Variants in NFIB observed in about 807,000 individuals in gnomAD.
The protein encoded by NFIB is nuclear factor 1 B-type.
In NFIB, 11 loss-of-function variants were observed where a neutral mutation model predicts 61.5. The observed-to-expected ratio is 0.18, with a 90% confidence interval of 0.11 to 0.30. NFIB has a LOEUF of 0.30. NFIB is among the 10% of genes least tolerant of loss of function. The probability of loss-of-function intolerance (pLI) is 1.00; values close to 1 mark genes in which losing one functional copy is unlikely to be tolerated. For missense variants in NFIB, 471 were observed against 608.9 expected (o/e 0.77, Z 2.38); for synonymous variants, 260 against 216.5 (o/e 1.20, Z -1.76).
intron 1 of NFIB, among the ~76,000 whole-genome samples, chr9:14,311,564 G>A (rs776196611): frequency 6.6e-6 from 1 of 152,096 alleles, no homozygotes; most frequent in South Asian, 2.1e-4. Context: ...TGTTAAGTGT[G>A]TATCTCTGAA....
chr9:14,088,528 T>A (rs755086177), intron 10 of NFIB, among the ~76,000 whole-genome samples: 2 of 152,108 alleles, frequency 1.3e-5, no homozygotes, highest in African/African-American at 2.4e-5. Flanking sequence ...ATTTTTTAAA[T>A]GAAAATTAAG....
At chr9:14,104,858 T>G (rs1468723910) in intron 10 of NFIB, among the ~76,000 whole-genome samples, 1 of 152,004 alleles carries the variant, frequency 6.6e-6, no homozygotes, top group Non-Finnish European at 1.5e-5. Context: ...TATTTAGGCA[T>G]AGTACATATT....
chr9:14,522,851 G>A, the NFIB span, among the ~76,000 whole-genome samples: 3 of 152,096 alleles, frequency 2.0e-5, no homozygotes, highest in Non-Finnish European at 4.4e-5. Flanking sequence ...TTATCTTGTA[G>A]ACACAGCTCT....
intron 10 of NFIB, among the ~76,000 whole-genome samples, chr9:14,094,758 CAT>C (rs1375140656): frequency 6.6e-6 from 1 of 152,048 alleles, no homozygotes; most frequent in East Asian, 1.9e-4. Context: ...GAAAGAGAAA[CAT>C]ATTTGTTTCT....
At chr9:14,346,169 A>G (rs887585234) in intron 1 of NFIB, among the ~76,000 whole-genome samples, 2 of 152,016 alleles carry the variant, frequency 1.3e-5, no homozygotes, top group African/African-American at 4.8e-5. Flanking sequence ...CAGCACTGGA[A>G]AGAGACTTGC....
At chr9:14,235,486 A>G (rs2053649568) in intron 2 of NFIB, among the ~76,000 whole-genome samples, 1 of 152,074 alleles carries the variant, frequency 6.6e-6, no homozygotes, top group Non-Finnish European at 1.5e-5. Context: ...ATACTATCTC[A>G]CCCTAAAAGA....
intron 2 of NFIB, among the ~76,000 whole-genome samples, chr9:14,293,910 T>C (rs574251636): frequency 2.6e-5 from 4 of 152,252 alleles, no homozygotes; most frequent in Admixed American, 6.5e-5. Flanking sequence ...TCTGTCTACC[T>C]ATGTTGATTC....
intron 1 of NFIB, among the ~76,000 whole-genome samples, chr9:14,348,716 C>T (rs938414006): frequency 1.3e-5 from 2 of 152,230 alleles, no homozygotes; most frequent in African/African-American, 4.8e-5. Flanking sequence ...GAGCCGGGAG[C>T]AGCGGACAGT....
chr9:14,218,146 T>C lies in NFIB; in HGVS notation c.563-38366A>G, dbSNP rs1165179417. On this transcript the variant is annotated intron_variant, in intron 2 of 10. Transcript: ENST00000380953. ...TAATGAGCTGAGAGCTCCAAGGTGG[T>C]ATTTGGAAGGCATACTTTTTCCCAG... Among the ~76,000 whole-genome samples the C allele has an allele frequency of 6.6e-5, 10 of 152,218 alleles. 1 individual carries two copies. The highest frequency in any genetic ancestry group is 5.9e-4 in the Admixed American group (9 of 15,278).
At chr9:14,107,297 T>A (rs1201604893) in intron 10 of NFIB, among the ~76,000 whole-genome samples, 1 of 151,104 alleles carries the variant, frequency 6.6e-6, no homozygotes, top group Non-Finnish European at 1.5e-5. Context: ...GTTGTATGTT[T>A]CACATACAAC....
intron 6 of NFIB, among the ~76,000 whole-genome samples, chr9:14,129,203 C>A (rs2040081912): frequency 6.6e-6 from 1 of 151,814 alleles, no homozygotes; most frequent in Admixed American, 6.6e-5. Context: ...GTTCACTGAC[C>A]AAACTGAAAG....
At chr9:14,496,624 T>C in the NFIB span, among the ~76,000 whole-genome samples, 1 of 152,198 alleles carries the variant, frequency 6.6e-6, no homozygotes, top group South Asian at 2.1e-4. Flanking sequence ...GCACCTTGCA[T>C]TTCGTAGTCC....
intron 2 of NFIB, among the ~76,000 whole-genome samples, chr9:14,235,031 A>C (rs1323030953): frequency 1.3e-5 from 2 of 152,124 alleles, no homozygotes; most frequent in Admixed American, 1.3e-4. Flanking sequence ...GGCAATCTTA[A>C]CTATTTAGGG....
At chr9:14,094,706 A>G (rs2034511718) in intron 10 of NFIB, among the ~76,000 whole-genome samples, 1 of 152,040 alleles carries the variant, frequency 6.6e-6, no homozygotes, top group African/African-American at 2.4e-5. Flanking sequence ...CAGGTGGCTC[A>G]TGGAATTATT....
intron 1 of NFIB, among the ~76,000 whole-genome samples, chr9:14,346,267 C>T (rs2061018230): frequency 1.4e-5 from 2 of 145,924 alleles, no homozygotes; most frequent in Admixed American, 7.1e-5. Context: ...ATTTCATATC[C>T]GCAGTCACAC....
At chr9:14,284,851 T>G (rs2058607853) in intron 2 of NFIB, among the ~76,000 whole-genome samples, 1 of 152,236 alleles carries the variant, frequency 6.6e-6, no homozygotes, top group Non-Finnish European at 1.5e-5. Context: ...ATACCTATTC[T>G]TGAACAGTTG....
chr9:14,322,547 C>T (rs2060687650), intron 1 of NFIB, among the ~76,000 whole-genome samples: 1 of 152,114 alleles, frequency 6.6e-6, no homozygotes, highest in South Asian at 2.1e-4. Context: ...GCAGTCGCCT[C>T]CCTGGCTTTC....
chr9:14,316,744 C>T (rs963027907), upstream of NFIB, among the ~76,000 whole-genome samples: 1 of 152,298 alleles, frequency 6.6e-6, no homozygotes, highest in Admixed American at 6.5e-5. Flanking sequence ...CATTACACTG[C>T]ATCCCCTTTC....
At chr9:14,506,492 T>C in the NFIB span, among the ~76,000 whole-genome samples, 1 of 152,172 alleles carries the variant, frequency 6.6e-6, no homozygotes, top group Non-Finnish European at 1.5e-5. Flanking sequence ...AGGATAAGAA[T>C]TCCAGAGATG....
Sources: allele counts gnomAD v4.1 joint callset (sites outside exome capture counted in the v4.1 genomes callset), GRCh38; gene constraint gnomAD v4.1.1; transcripts MANE v1.5; gene names NCBI Gene and HGNC (gene_info 2026-07-23, HGNC 2026-07-21).